PRSS23: variants seen among roughly 807,000 people sequenced by gnomAD.
PRSS23 encodes the protein serine protease 23.
Under a neutral mutation model 34.7 loss-of-function variants are expected in PRSS23, and 25 were observed. The observed-to-expected ratio is 0.72, with a 90% CI of 0.53 to 1.01. The LOEUF (loss-of-function observed/expected upper bound fraction) is 1.01, where lower values mean the gene tolerates loss of function less well. Ranked by LOEUF, PRSS23 falls within the 50% of genes least tolerant of loss-of-function variation. The pLI is 0.00. For missense variants in PRSS23, 445 were observed against 475.6 expected (o/e 0.94, Z 0.60); for synonymous variants, 176 against 186.6 (o/e 0.94, Z 0.46).
chr11:86,795,895 G>T (rs765432654), upstream of PRSS23, among the ~76,000 whole-genome samples: 3 of 152,142 alleles, frequency 2.0e-5, no homozygotes, highest in Non-Finnish European at 4.4e-5. Flanking sequence ...GACTTAAATT[G>T]TTGAGGCTAC....
At chr11:86,939,088 G>A in intron 2 of PRSS23, 1 of 428,500 alleles carries the variant, frequency 2.3e-6, no homozygotes, top group Middle Eastern at 3.4e-4. Flanking sequence ...AGGCTCTGAG[G>A]AATCATCAAT....
At chr11:86,848,709 A>G (rs1281565052) in intron 2 of PRSS23, among the ~76,000 whole-genome samples, 2 of 152,214 alleles carry the variant, frequency 1.3e-5, no homozygotes, top group Non-Finnish European at 1.5e-5. Flanking sequence ...GCCCAGAACA[A>G]AGCTTGGAGG....
At position 86,808,028 on chromosome 11, in the gene PRSS23, C is replaced by A. The variant is rs148223020; in HGVS notation, c.385C>A (p.Gln129Lys). The A allele has an allele frequency of 1.0e-3, 1,627 of 1,614,054 alleles. 2 individuals are homozygous for A. Among genetic ancestry groups the A allele is most frequent in the Non-Finnish European group, 1.2e-3 (1,436 of 1,180,014 alleles). Residue 129 changes from glutamine (Q) to lysine (K), a missense_variant, in exon 2 of 2, where the codon CAG becomes AAG. Coordinates refer to ENST00000280258, the MANE Select transcript of PRSS23 (RefSeq NM_007173.6). ...TTCAGGAAAGTCTCGAAGGAAGCGG[C>A]AGATTTATGGCTATGACAGCAGGTT... ...GSSGKSRRKR[Q>K]IYGYDSRFSI... is the part of the protein sequence containing the mutation.
intron 2 of PRSS23, among the ~76,000 whole-genome samples, chr11:86,928,220 ATATATG>A (rs1197257851): frequency 8.5e-5 from 11 of 130,166 alleles, no homozygotes; most frequent in Admixed American, 8.0e-4. Flanking sequence ...ACTTATAAAT[ATATATG>A]TATTATATAT....
intron 2 of PRSS23, among the ~76,000 whole-genome samples, chr11:86,844,760 G>A (rs1948473795): frequency 6.6e-6 from 1 of 152,216 alleles, no homozygotes; most frequent in South Asian, 2.1e-4. Flanking sequence ...TCTATGGCAT[G>A]TTGCTGGAAG....
intron 2 of PRSS23, among the ~76,000 whole-genome samples, chr11:86,884,969 C>T (rs1319527765): frequency 6.6e-6 from 1 of 152,176 alleles, no homozygotes; most frequent in Non-Finnish European, 1.5e-5. Flanking sequence ...CTCCTATACT[C>T]ACAATATATT....
intron 2 of PRSS23, among the ~76,000 whole-genome samples, chr11:86,874,311 C>T (rs1238246983): frequency 6.6e-6 from 1 of 152,200 alleles, no homozygotes; most frequent in East Asian, 1.9e-4. Context: ...TGCCAGATTA[C>T]ATATAGGACA....
intron 2 of PRSS23, among the ~76,000 whole-genome samples, chr11:86,883,559 A>C (rs535354233): frequency 1.3e-5 from 2 of 152,376 alleles, no homozygotes; most frequent in Non-Finnish European, 1.5e-5. Context: ...CAACCTAGGC[A>C]ATACCATTCA....
intron 1 of PRSS23, among the ~76,000 whole-genome samples, chr11:86,794,557 C>T (rs986029695): frequency 6.6e-6 from 1 of 152,052 alleles, no homozygotes; most frequent in South Asian, 2.1e-4. Context: ...ACAATTTAAC[C>T]CTACAATAAT....
chr11:86,856,909 G>A (rs957886082), intron 2 of PRSS23: 37 of 152,672 alleles, frequency 2.4e-4, no homozygotes, highest in Non-Finnish European at 4.5e-4. Flanking sequence ...CCAGTTAAAG[G>A]CATAACAAAG....
At chr11:86,847,329 G>C (rs1948493995) in intron 2 of PRSS23, among the ~76,000 whole-genome samples, 1 of 152,192 alleles carries the variant, frequency 6.6e-6, no homozygotes, top group African/African-American at 2.4e-5. Context: ...CCCAGGCCTT[G>C]CCACCCTGGA....
At chr11:86,844,634 A>G (rs1429162114) in intron 2 of PRSS23, among the ~76,000 whole-genome samples, 2 of 152,230 alleles carry the variant, frequency 1.3e-5, no homozygotes, top group Non-Finnish European at 2.9e-5. Flanking sequence ...TATTAGACCT[A>G]TGAAAAGCTC....
In PRSS23 at chr11:86,890,919, C is replaced by T. The variant is rs77292143; in HGVS notation, c.207-60297C>T. Among the ~76,000 whole-genome samples, 1,369 of 152,290 alleles carry T rather than the reference C, an allele frequency of 9.0e-3. 21 individuals are homozygous for T. The highest frequency in any genetic ancestry group is 0.032 in the African/African-American group (1,327 of 41,558). ...CAGCCTCTTGAACCTGGTGCTCTCC[C>T]TATTAAGGTTAATCAGGGTTCAGAA... On this transcript the variant is annotated intron_variant, in intron 2 of 2. Transcript: ENST00000533902.
chr11:86,829,273 A>C (rs1182667084), intron 2 of PRSS23, among the ~76,000 whole-genome samples: 2 of 152,052 alleles, frequency 1.3e-5, no homozygotes, highest in Non-Finnish European at 2.9e-5. Context: ...TCCTTTCTTC[A>C]AGTTGATCAC....
intron 2 of PRSS23, among the ~76,000 whole-genome samples, chr11:86,838,981 T>G (rs2555539): frequency 0.36 from 54,185 of 151,566 alleles, 10,068 homozygotes; most frequent in East Asian, 0.47. Context: ...CCCATCTGTA[T>G]GTCACCAATA....
intron 2 of PRSS23, chr11:86,909,674 C>T (rs1390496893): frequency 6.6e-6 from 1 of 152,158 alleles, no homozygotes; most frequent in Non-Finnish European, 1.5e-5. Flanking sequence ...CCAGAGTACT[C>T]CCTGAAGAAC....
intron 2 of PRSS23, among the ~76,000 whole-genome samples, chr11:86,913,248 A>C (rs2134995347): frequency 6.8e-6 from 1 of 147,406 alleles, no homozygotes; most frequent in South Asian, 2.2e-4. Context: ...TGCCCTGCTT[A>C]GTACTCACTG....
At chr11:86,831,159 G>A (rs1023248445) in intron 2 of PRSS23, among the ~76,000 whole-genome samples, 3 of 151,908 alleles carry the variant, frequency 2.0e-5, no homozygotes, top group African/African-American at 4.8e-5. Context: ...TATCCTAGCA[G>A]GATGTTATTA....
intron 2 of PRSS23, among the ~76,000 whole-genome samples, chr11:86,846,403 A>G (rs1374427333): frequency 6.6e-6 from 1 of 152,166 alleles, no homozygotes; most frequent in Non-Finnish European, 1.5e-5. Context: ...CTGCTGGACT[A>G]AAGACACGGG....
Sources: allele counts gnomAD v4.1 joint callset (sites outside exome capture counted in the v4.1 genomes callset), GRCh38; gene constraint gnomAD v4.1.1; transcripts MANE v1.5; gene names NCBI Gene and HGNC (gene_info 2026-07-23, HGNC 2026-07-21).